KIAA0232: variants seen among roughly 807,000 people sequenced by gnomAD.
KIAA0232 encodes the protein uncharacterized protein KIAA0232.
A neutral mutation model predicts 122.0 loss-of-function variants in KIAA0232; 27 were observed. That is an observed-to-expected ratio of 0.22 (90% CI 0.16 to 0.31). The LOEUF (loss-of-function observed/expected upper bound fraction) is 0.31. Ranked by LOEUF, KIAA0232 falls within the 10% of genes least tolerant of loss-of-function variation. KIAA0232 has a pLI of 1.00. For synonymous variants in KIAA0232, 613 were observed against 587.6 expected (o/e 1.04, Z -0.63); for missense variants, 1,551 against 1,634.2 (o/e 0.95, Z 0.88).
chr4:6,844,618 T>A (rs1267151001), intron 4 of KIAA0232, among the ~76,000 whole-genome samples: 1 of 152,040 alleles, frequency 6.6e-6, no homozygotes, highest in Non-Finnish European at 1.5e-5. Context: ...GTATTTTTAG[T>A]AGAGATGGGG....
Position 6,863,001 on chromosome 4 carries a change from G to T in KIAA0232, c.2619G>T (p.Glu873Asp), listed in dbSNP as rs765728751. 6.2e-7 allele frequency: 1 copy of T among 1,614,230 alleles called. No individual in the cohort carries two copies. Among genetic ancestry groups the T allele is most frequent in the Non-Finnish European group, 8.5e-7 (1 of 1,180,034 alleles). ...AAGCTGAACTGGAGACCCTTCAGGA[G>T]CCTGATAAGGCTGTGCGGAGGTCAG... ...DAEAELETLQ[E>D]PDKAVRRSEY... Residue 873 changes from glutamate to aspartate, a missense_variant, in exon 7 of 10, where the codon GAG becomes GAT. Coordinates refer to ENST00000307659, the MANE Select transcript of KIAA0232 (RefSeq NM_014743.3).
intron 3 of KIAA0232, among the ~76,000 whole-genome samples, chr4:6,827,052 A>G (rs1718724330): frequency 6.6e-6 from 1 of 152,208 alleles, no homozygotes; most frequent in African/African-American, 2.4e-5. Context: ...GGGAAAACAT[A>G]ACATGTCTGG....
chr4:6,797,838 G>A (rs921280704), intron 1 of KIAA0232, among the ~76,000 whole-genome samples: 1 of 151,406 alleles, frequency 6.6e-6, no homozygotes, highest in African/African-American at 2.4e-5. Context: ...TTGGGAGGCC[G>A]AGGCGGGCGG....
chr4:6,788,310 G>A lies in KIAA0232; in HGVS notation c.-354+5469G>A, dbSNP rs781702124. On this transcript the variant is annotated intron_variant, in intron 1 of 9. Transcript: ENST00000307659. Reference sequence around the variant, plus strand: ...CGAGATTATAAGCACGAGCCACCACGCCCAGCCTGCATCTCTTCTTGTCAC... The same window carrying A: ...CGAGATTATAAGCACGAGCCACCACACCCAGCCTGCATCTCTTCTTGTCAC... Among the ~76,000 whole-genome samples the A allele has an allele frequency of 2.1e-4, 32 of 152,118 alleles. 1 individual carries two copies. The highest frequency in any genetic ancestry group is 4.6e-4 in the Non-Finnish European group (31 of 68,026).
In KIAA0232 at chr4:6,842,051, T is replaced by C. The variant is rs1456344052; in HGVS notation, c.232-16T>C. On this transcript the variant is annotated splice_polypyrimidine_tract_variant and intron_variant, in intron 3 of 9. Coordinates refer to ENST00000307659, the MANE Select transcript of KIAA0232 (RefSeq NM_014743.3). ...AGTTAGCCCTGGTCATTTAACCTGG[T>C]GCAATTTCATTGCAGGAGAATGACA... 1 of 1,613,224 alleles carries C rather than the reference T, an allele frequency of 6.2e-7. No homozygotes were observed. The highest frequency in any genetic ancestry group is 1.1e-5 in the South Asian group (1 of 90,982).
intron 2 of KIAA0232, among the ~76,000 whole-genome samples, chr4:6,807,028 G>GTCTATCTATCTA (rs1452792244): frequency 6.9e-4 from 78 of 113,248 alleles, no homozygotes; most frequent in African/African-American, 2.3e-3. Flanking sequence ...TTGTCTGTCT[G>GTCTATCTATCTA]TCTGTCTATC....
intron 1 of KIAA0232, among the ~76,000 whole-genome samples, chr4:6,795,279 A>T (rs1717080110): frequency 6.6e-6 from 1 of 152,082 alleles, no homozygotes. Flanking sequence ...TCATCGTGCT[A>T]GCCAGGATGA....
Position 6,860,989 on chromosome 4 carries a change from T to C in KIAA0232, c.607T>C (p.Tyr203His), listed in dbSNP as rs752186773. ...GTGGAACAAGTCTAAAGTCTGTTCTTACTCTAGCTCTTCTTCATCATCCAC... is the reference window on the plus strand; with the variant it reads ...GTGGAACAAGTCTAAAGTCTGTTCTCACTCTAGCTCTTCTTCATCATCCAC... ...TVWNKSKVCSYSSSSSSSTAP... is the reference protein window; with the variant it reads ...TVWNKSKVCSHSSSSSSSTAP... Residue 203 changes from tyrosine (Y) to histidine (H), a missense_variant, in exon 7 of 10, where the codon TAC (tyrosine) becomes CAC (histidine). By Grantham distance (83) the Tyr-to-His change is moderately conservative. Around this residue, in one of 5 missense-constraint regions of KIAA0232, gnomAD observed 377 missense variants for 381.7 expected, o/e 0.99. Coordinates refer to ENST00000307659, the MANE Select transcript of KIAA0232 (RefSeq NM_014743.3). The C allele has an allele frequency of 3.1e-6, 5 of 1,614,192 alleles. No individual in the cohort carries two copies. In the South Asian group the frequency reaches 4.4e-5, roughly 14 times the overall value.
chr4:6,842,149 T>C lies in KIAA0232; in HGVS notation c.314T>C (p.Leu105Pro), dbSNP rs1321963611. 1.9e-6 allele frequency: 3 copies of C among 1,611,488 alleles called. No homozygotes were observed. Among genetic ancestry groups the C allele is most frequent in the East Asian group, 2.2e-5 (1 of 44,746 alleles). Residue 105 changes from leucine to proline, a missense_variant, in exon 4 of 10, where the codon CTA (leucine) becomes CCA (proline). Physicochemically the swap from Leu to Pro is moderately conservative, Grantham distance 98. Transcript: ENST00000307659. ...AAGAAAAAATGTTCAGATCTAACTC[T>C]AGAAGAAATGAAAAAACAGGCTGCT... ...KSKKKCSDLTLEEMKKQAAVQ... is the reference protein window; with the variant it reads ...KSKKKCSDLTPEEMKKQAAVQ...
At chr4:6,792,746 A>G (rs1306054221) in intron 1 of KIAA0232, among the ~76,000 whole-genome samples, 2 of 149,326 alleles carry the variant, frequency 1.3e-5, no homozygotes, top group Non-Finnish European at 3.0e-5. Context: ...CTGTAGTGCA[A>G]TGGCATCATC....
intron 1 of KIAA0232, among the ~76,000 whole-genome samples, chr4:6,798,714 A>G (rs1577356891): frequency 6.6e-6 from 1 of 152,048 alleles, no homozygotes; most frequent in African/African-American, 2.4e-5. Flanking sequence ...ATTATGCCCA[A>G]TTAATTTTTT....
chr4:6,836,817 T>C (rs904642010), intron 3 of KIAA0232, among the ~76,000 whole-genome samples: 4 of 152,188 alleles, frequency 2.6e-5, no homozygotes, highest in Non-Finnish European at 5.9e-5. Flanking sequence ...TTAATCCATT[T>C]AACCCTTAGT....
At chr4:6,840,314 C>T (rs1247339916) in intron 3 of KIAA0232, among the ~76,000 whole-genome samples, 1 of 152,140 alleles carries the variant, frequency 6.6e-6, no homozygotes, top group East Asian at 1.9e-4. Context: ...TGATTGGCCA[C>T]GTGCCTCTCT....
chr4:6,877,008 C>T (rs1262659877), intron 9 of KIAA0232, among the ~76,000 whole-genome samples: 4 of 151,938 alleles, frequency 2.6e-5, no homozygotes, highest in Non-Finnish European at 5.9e-5. Flanking sequence ...CCAGTCTTGG[C>T]TCTACACTAC....
Position 6,855,761 on chromosome 4 carries a change from G to T in KIAA0232, c.370-1403G>T. On this transcript the variant is annotated intron_variant, in intron 4 of 9. Coordinates refer to ENST00000307659, the MANE Select transcript of KIAA0232 (RefSeq NM_014743.3). The surrounding 1 kb of genome is among the most constrained non-coding windows in gnomAD (Gnocchi z 4.3). The stretch of plus-strand genomic sequence containing the variant: ...TTCAGTGTTCTGCATTGCGAGACTA[G>T]CCCTAGGTTTAGAAACCTAGTGACA... 1 of 698,634 alleles carries T rather than the reference G, an allele frequency of 1.4e-6. No individual in the cohort carries two copies. Among genetic ancestry groups the T allele is most frequent in the South Asian group, 6.3e-5 (1 of 15,764 alleles). The allele number at this position is 698,634 out of a possible 1,614,324, so 43.3% of individuals were successfully genotyped here.
intron 3 of KIAA0232, among the ~76,000 whole-genome samples, chr4:6,832,842 C>G (rs973262771): frequency 6.6e-6 from 1 of 152,162 alleles, no homozygotes; most frequent in Non-Finnish European, 1.5e-5. Context: ...ACACTGGGGC[C>G]TGCCCTGCAG....
intron 1 of KIAA0232, among the ~76,000 whole-genome samples, chr4:6,788,589 A>T (rs1716739777): frequency 6.6e-6 from 1 of 152,226 alleles, no homozygotes. Context: ...CTGGATTATA[A>T]ACTCCTTGAG....
At chr4:6,837,059 G>C (rs1328637555) in intron 3 of KIAA0232, among the ~76,000 whole-genome samples, 1 of 152,176 alleles carries the variant, frequency 6.6e-6, no homozygotes, top group African/African-American at 2.4e-5. Flanking sequence ...GAGCTGTTGG[G>C]TACACCTCCC....
Position 6,817,013 on chromosome 4 carries a change from AC to A in KIAA0232, c.-269-7170del, listed in dbSNP as rs375408032. On this transcript the variant is annotated intron_variant, in intron 2 of 9. Transcript: ENST00000307659. ...GATCAGTCTGGCTAGAGGTTAAAGA[AC>A]CTGTTTTTGGTTTTATTGTTTTTCT... Among the ~76,000 whole-genome samples, 235 of 152,170 alleles carry A rather than the reference AC, an allele frequency of 1.5e-3. 3 individuals carry two copies. The South Asian group carries it at 0.018, about 11-fold the overall frequency.
Sources: gnomAD v4.1 joint callset for allele counts (sites outside exome capture counted in the v4.1 genomes callset) on GRCh38, gnomAD v4.1.1 for gene constraint, gnomAD v4.1.1 regional missense constraint, Gnocchi (gnomAD v3.1) non-coding constraint, MANE v1.5 for transcripts, NCBI Gene and HGNC (gene_info 2026-07-23, HGNC 2026-07-21) for gene names.